LURAP1L: variants seen among roughly 807,000 people sequenced by gnomAD.
LURAP1L encodes leucine rich adaptor protein 1 like.
LURAP1L carries 12 observed loss-of-function variants against 13.8 expected under a neutral mutation model. That is an observed-to-expected ratio of 0.87 (90% CI 0.56 to 1.41). The LOEUF (loss-of-function observed/expected upper bound fraction) is 1.41, where lower values mean the gene tolerates loss of function less well. LURAP1L is among the 40% of genes most tolerant of loss of function. LURAP1L has a pLI of 0.00. For missense variants in LURAP1L, 375 were observed against 292.9 expected (o/e 1.28, Z -2.04); for synonymous variants, 139 against 119.2 (o/e 1.17, Z -1.08).
At chr9:12,776,154 T>C (rs1819179137) in intron 1 of LURAP1L, 127 bp downstream of exon 1, 5 of 971,790 alleles carry the variant, frequency 5.1e-6, no homozygotes, top group African/African-American at 3.3e-5. Context: ...GCGTGGGAAA[T>C]GCTGGGTGGA....
intron 1 of LURAP1L, among the ~76,000 whole-genome samples, chr9:12,818,935 T>C (rs1198638525): frequency 6.6e-6 from 1 of 152,330 alleles, no homozygotes; most frequent in Non-Finnish European, 1.5e-5. Context: ...CTCATATTGA[T>C]TTTTCTGGGC....
At chr9:12,799,470 T>C (rs1819554491) in intron 1 of LURAP1L, among the ~76,000 whole-genome samples, 1 of 152,226 alleles carries the variant, frequency 6.6e-6, no homozygotes, top group South Asian at 2.1e-4. Flanking sequence ...GCTAAAACCA[T>C]ATATAAATAA....
intron 1 of LURAP1L, among the ~76,000 whole-genome samples, chr9:12,815,118 C>G (rs935647642): frequency 6.6e-6 from 1 of 152,084 alleles, no homozygotes; most frequent in Admixed American, 6.5e-5. Flanking sequence ...TCTGAGAAAA[C>G]AGAGGAGTGA....
chr9:12,788,262 T>G (rs1213439243), intron 1 of LURAP1L, among the ~76,000 whole-genome samples: 1 of 152,084 alleles, frequency 6.6e-6, no homozygotes, highest in Non-Finnish European at 1.5e-5. Flanking sequence ...ATAAAAGACT[T>G]TCAAGTGTTT....
intron 1 of LURAP1L, among the ~76,000 whole-genome samples, chr9:12,787,012 A>G (rs1819365396): frequency 6.6e-6 from 1 of 152,142 alleles, no homozygotes; most frequent in Non-Finnish European, 1.5e-5. Flanking sequence ...AAATTCACAA[A>G]AAGATTTTGA....
In LURAP1L at chr9:12,775,635, T is replaced by A. The variant is rs1819160155; in HGVS notation, c.-81T>A. The A allele has an allele frequency of 2.0e-6, 3 of 1,502,518 alleles. No individual in the cohort carries two copies. In the East Asian group the frequency reaches 6.9e-5, roughly 35 times the overall value. The allele number at this position is 1,502,518 out of a possible 1,614,324, so 93.1% of individuals were successfully genotyped here. A position where few individuals can be genotyped will look rare whatever the true frequency, so the allele number is the denominator to read the frequency against. ...GACCCTGGCCCCCGGAGAGGTCTGC[T>A]GATTTCGCAGCAGCCTTCGAAGCCG... is the stretch of plus-strand genomic sequence containing the variant. On this transcript the variant is annotated 5_prime_UTR_variant, in exon 1 of 2. Coordinates refer to ENST00000319264, the MANE Select transcript of LURAP1L (RefSeq NM_203403.2).
chr9:12,807,693 G>T (rs1290561992), intron 1 of LURAP1L, among the ~76,000 whole-genome samples: 1 of 152,094 alleles, frequency 6.6e-6, no homozygotes, highest in Non-Finnish European at 1.5e-5. Flanking sequence ...GATATAGTTG[G>T]ATTAATAGCG....
Position 12,775,552 on chromosome 9 carries a change from G to A in LURAP1L, c.-164G>A, listed in dbSNP as rs2118438775. On this transcript the variant is annotated 5_prime_UTR_variant, in exon 1 of 2. Transcript: ENST00000319264. ...CCCCGCGTCCTGTGCGGATTTCAGG[G>A]CTGATACCGCATAGGCGGTTATGGA... 1 of 1,186,018 alleles carries A rather than the reference G, an allele frequency of 8.4e-7. No homozygotes were observed. Among genetic ancestry groups the A allele is most frequent in the East Asian group, 2.9e-5 (1 of 35,044 alleles). The allele number at this position is 1,186,018 out of a possible 1,614,324, so 73.5% of individuals were successfully genotyped here.
intron 1 of LURAP1L, among the ~76,000 whole-genome samples, chr9:12,819,610 C>T (rs1256859297): frequency 1.3e-5 from 2 of 152,116 alleles, no homozygotes; most frequent in African/African-American, 2.4e-5. Flanking sequence ...ATTAGCATGA[C>T]CCAGACTTTT....
At chr9:12,795,808 A>G (rs1410673760) in intron 1 of LURAP1L, among the ~76,000 whole-genome samples, 1 of 152,002 alleles carries the variant, frequency 6.6e-6, no homozygotes, top group African/African-American at 2.4e-5. Context: ...TGTTTTTTAT[A>G]TCATGGGATC....
intron 1 of LURAP1L, 27 bp from the exon 2 acceptor site, chr9:12,821,359 A>G: frequency 1.9e-6 from 3 of 1,592,780 alleles, no homozygotes; most frequent in Non-Finnish European, 2.6e-6. Context: ...AATGGCTGGA[A>G]TATCTTTCTT....
intron 1 of LURAP1L, among the ~76,000 whole-genome samples, chr9:12,813,407 C>T (rs1046297010): frequency 6.6e-6 from 1 of 152,008 alleles, no homozygotes; most frequent in East Asian, 1.9e-4. Flanking sequence ...GGTGAAAATA[C>T]CGTATATGCT....
Position 12,821,952 on chromosome 9 carries a change from A to G in LURAP1L, c.*192A>G, listed in dbSNP as rs1819887612. ...GAGCTGATTTATTTTTCTCTGTTAC[A>G]TCTCTATTTTTTATTTATTACAATG... On this transcript the variant is annotated 3_prime_UTR_variant, in exon 2 of 2. Coordinates refer to ENST00000319264, the MANE Select transcript of LURAP1L (RefSeq NM_203403.2). The G allele has an allele frequency of 5.6e-6, 3 of 533,806 alleles. No individual in the cohort carries two copies. In the South Asian group the frequency reaches 1.3e-4, roughly 22 times the overall value. 33.1% of individuals were successfully genotyped at this position (533,806 alleles called of 1,614,324 possible).
intron 1 of LURAP1L, among the ~76,000 whole-genome samples, chr9:12,784,372 G>C (rs1416873173): frequency 6.6e-6 from 1 of 152,274 alleles, no homozygotes; most frequent in South Asian, 2.1e-4. Flanking sequence ...AAAGAAAATT[G>C]AGTGTTCAGA....
At chr9:12,784,228 T>A (rs1819317034) in intron 1 of LURAP1L, among the ~76,000 whole-genome samples, 1 of 152,166 alleles carries the variant, frequency 6.6e-6, no homozygotes, top group African/African-American at 2.4e-5. Context: ...TGAGGTCATG[T>A]TTTCCTAAAT....
chr9:12,807,094 A>AATAT (rs71329889), intron 1 of LURAP1L, among the ~76,000 whole-genome samples: 1,981 of 116,118 alleles, frequency 0.017, 114 homozygotes, highest in East Asian at 0.11. Context: ...TCTCTACTAA[A>AATAT]ATATATATAT....
In LURAP1L at chr9:12,775,368, T is replaced by C. The variant is rs1190206443; in HGVS notation, c.-348T>C. The C allele has an allele frequency of 4.0e-6, 1 of 247,852 alleles. No homozygotes were observed. Among genetic ancestry groups the C allele is most frequent in the Non-Finnish European group, 7.5e-6 (1 of 132,484 alleles). 15.4% of individuals were successfully genotyped at this position (247,852 alleles called of 1,614,324 possible). The stretch of plus-strand genomic sequence containing the variant: ...AGCTAAAACAGATTTAATTTCCCTC[T>C]CTTTTCTTTCACTACTTCCCCCTCT... On this transcript the variant is annotated 5_prime_UTR_variant, in exon 1 of 2. Coordinates refer to ENST00000319264, the MANE Select transcript of LURAP1L (RefSeq NM_203403.2).
At chr9:12,804,211 A>T (rs976227466) in intron 1 of LURAP1L, among the ~76,000 whole-genome samples, 11 of 152,198 alleles carry the variant, frequency 7.2e-5, no homozygotes, top group African/African-American at 2.7e-4. Flanking sequence ...TATTTGATGG[A>T]AACTTTTGTC....
intron 1 of LURAP1L, chr9:12,777,192 T>C (rs1475343592): frequency 2.1e-6 from 2 of 970,808 alleles, no homozygotes; most frequent in South Asian, 4.8e-5. Context: ...GTGATTGTTA[T>C]TTTTTAGGTT....
Sources: allele counts gnomAD v4.1 joint callset (sites outside exome capture counted in the v4.1 genomes callset), GRCh38; gene constraint gnomAD v4.1.1; transcripts MANE v1.5; gene names NCBI Gene and HGNC (gene_info 2026-07-23, HGNC 2026-07-21).